N4BP2: variants seen among roughly 807,000 people sequenced by gnomAD.
The protein encoded by N4BP2 is NEDD4-binding protein 2.
In N4BP2, 91 loss-of-function variants were observed where a neutral mutation model predicts 152.8. The observed-to-expected ratio is 0.60, with a 90% CI of 0.50 to 0.71. N4BP2 has a LOEUF of 0.71. N4BP2 is among the 30% of genes least tolerant of loss of function. The pLI is 0.00. For synonymous variants in N4BP2, 646 were observed against 705.3 expected (o/e 0.92, Z 1.33); for missense variants, 1,923 against 2,059.1 (o/e 0.93, Z 1.28).
chr4:40,127,647 A>G lies in N4BP2; in HGVS notation c.4527+1317A>G, dbSNP rs530245067. ...GTCTATCTTACTATTAAAGATGTCT[A>G]TCTCTGAGAAAATATATATATATAT... On this transcript the variant is annotated intron_variant, in intron 12 of 17. Coordinates refer to ENST00000261435, the MANE Select transcript of N4BP2 (RefSeq NM_018177.6). 9.9e-5 allele frequency among the ~76,000 whole-genome samples: 15 copies of G among 151,670 alleles called. 2 individuals carry two copies. The South Asian group carries it at 1.7e-3, about 17-fold the overall frequency.
At chr4:40,180,298 A>G in the N4BP2 span, among the ~76,000 whole-genome samples, 67 of 152,250 alleles carry the variant, frequency 4.4e-4, 3 homozygotes, top group Non-Finnish European at 1.5e-5. Context: ...ACAAATGACC[A>G]GTAAATATGT....
At chr4:40,112,844 A>G (rs926256069) in intron 6 of N4BP2, among the ~76,000 whole-genome samples, 4 of 152,028 alleles carry the variant, frequency 2.6e-5, no homozygotes, top group African/African-American at 9.7e-5. Flanking sequence ...CTGGGATTAC[A>G]GGTGCCCGCC....
chr4:40,173,171 C>A, the N4BP2 span, among the ~76,000 whole-genome samples: 1 of 150,152 alleles, frequency 6.7e-6, no homozygotes, highest in East Asian at 2.0e-4. Flanking sequence ...AACCCCTTGT[C>A]CCCTTAGAGG....
At chr4:40,144,116 G>T (rs535177477) in intron 15 of N4BP2, among the ~76,000 whole-genome samples, 1 of 152,172 alleles carries the variant, frequency 6.6e-6, no homozygotes, top group East Asian at 1.9e-4. Flanking sequence ...GCTGAAGAAT[G>T]TGGAGTCTGA....
chr4:40,135,902 C>T (rs993912014), intron 13 of N4BP2, among the ~76,000 whole-genome samples: 5 of 152,120 alleles, frequency 3.3e-5, no homozygotes, highest in South Asian at 4.1e-4. Flanking sequence ...CGTATATGGT[C>T]AGTTCCTCAG....
At chr4:40,124,332 T>TTTTA (rs771882180) in intron 11 of N4BP2, 127 bp downstream of exon 11, 18 of 485,216 alleles carry the variant, frequency 3.7e-5, no homozygotes, top group African/African-American at 8.2e-5. Context: ...CAAATAAAAG[T>TTTTA]TTTATTTATT....
At chr4:40,159,987 T>C (rs1721813082), downstream of N4BP2, among the ~76,000 whole-genome samples, 1 of 151,788 alleles carries the variant, frequency 6.6e-6, no homozygotes, top group East Asian at 1.9e-4. Flanking sequence ...GCCTGACTCA[T>C]TTTTGTATTT....
intron 2 of N4BP2, among the ~76,000 whole-genome samples, chr4:40,083,361 G>A (rs1713597066): frequency 1.3e-5 from 2 of 152,124 alleles, no homozygotes. Flanking sequence ...ATGAAAACAT[G>A]TCCACAGCAA....
intron 16 of N4BP2, among the ~76,000 whole-genome samples, chr4:40,146,129 C>T (rs1438947252): frequency 1.3e-5 from 2 of 151,616 alleles, no homozygotes; most frequent in Non-Finnish European, 2.9e-5. Flanking sequence ...CGCCACTGCC[C>T]TCCAGCCTGG....
At chr4:40,176,591 C>G in the N4BP2 span, among the ~76,000 whole-genome samples, 2 of 152,238 alleles carry the variant, frequency 1.3e-5, no homozygotes, top group South Asian at 4.1e-4. Flanking sequence ...ACTGAAGTCA[C>G]TCTGTGGCGA....
chr4:40,062,417 C>G (rs1343302740), intron 1 of N4BP2, among the ~76,000 whole-genome samples: 4 of 152,164 alleles, frequency 2.6e-5, no homozygotes, highest in Non-Finnish European at 4.4e-5. Context: ...TGGGTTGTTG[C>G]ACGAGCCTCC....
the N4BP2 span, among the ~76,000 whole-genome samples, chr4:40,165,858 C>A: frequency 4.3e-4 from 65 of 152,286 alleles, no homozygotes; most frequent in African/African-American, 1.4e-3. Context: ...TTTCTGTCTT[C>A]CATTCTTATA....
the N4BP2 span, among the ~76,000 whole-genome samples, chr4:40,184,905 G>A: frequency 1.3e-5 from 2 of 151,938 alleles, no homozygotes; most frequent in Non-Finnish European, 1.5e-5. Context: ...GCAGTGAGCC[G>A]ACATTGCGCC....
chr4:40,118,664 C>T (rs116067347), intron 8 of N4BP2, among the ~76,000 whole-genome samples: 238 of 152,234 alleles, frequency 1.6e-3, no homozygotes, highest in African/African-American at 5.5e-3. Context: ...CTTATCTTCT[C>T]GCTGTTATTA....
rs142476320 is a variant in N4BP2 at position 40,150,623 on chromosome 4, A to C, written c.5144-2157A>C. Among the ~76,000 whole-genome samples, 241 of 152,056 alleles carry C rather than the reference A, an allele frequency of 1.6e-3. 2 individuals are homozygous for C. Among genetic ancestry groups the C allele is most frequent in the African/African-American group, 5.4e-3 (225 of 41,456 alleles). Reference sequence around the variant, plus strand: ...GAGTCAGAGGCTGCAGTGAACCGAGATCATCCCACTGCACTTCAACCTGGG... The same window carrying C: ...GAGTCAGAGGCTGCAGTGAACCGAGCTCATCCCACTGCACTTCAACCTGGG... On this transcript the variant is annotated intron_variant, in intron 16 of 17. Transcript: ENST00000261435.
chr4:40,064,181 T>C (rs1733862716), intron 1 of N4BP2, among the ~76,000 whole-genome samples: 1 of 152,246 alleles, frequency 6.6e-6, no homozygotes, highest in Non-Finnish European at 1.5e-5. Flanking sequence ...TGCCCTGTAC[T>C]ATGGACCTGT....
At chr4:40,097,905 A>G (rs560578686) in intron 3 of N4BP2, among the ~76,000 whole-genome samples, 21 of 152,172 alleles carry the variant, frequency 1.4e-4, no homozygotes, top group African/African-American at 4.8e-4. Flanking sequence ...TCTCCTATGC[A>G]TTGTAGGTTT....
intron 1 of N4BP2, among the ~76,000 whole-genome samples, chr4:40,072,476 C>CCT (rs1343896759): frequency 6.6e-6 from 1 of 151,790 alleles, no homozygotes; most frequent in Non-Finnish European, 1.5e-5. Context: ...GATCTCCTGA[C>CCT]CTCGTGATCC....
chr4:40,162,091 A>T (rs1721874845), downstream of N4BP2, among the ~76,000 whole-genome samples: 1 of 152,186 alleles, frequency 6.6e-6, no homozygotes, highest in South Asian at 2.1e-4. Context: ...ATGCCTCCGA[A>T]ATCTCACTGG....
Sources: allele counts gnomAD v4.1 joint callset (sites outside exome capture counted in the v4.1 genomes callset), GRCh38; gene constraint gnomAD v4.1.1; transcripts MANE v1.5; gene names NCBI Gene and HGNC (gene_info 2026-07-23, HGNC 2026-07-21).